The following SQSTM1 variants were observed in gnomAD, a reference collection of about 807,000 sequenced individuals.
SQSTM1 encodes the protein sequestosome 1, also known as sequestosome-1.
SQSTM1 carries 36 observed loss-of-function variants against 45.1 expected under a neutral mutation model. That is an observed-to-expected ratio of 0.80 (90% CI 0.61 to 1.05). The LOEUF (loss-of-function observed/expected upper bound fraction) is 1.05, where lower values mean the gene tolerates loss of function less well. Among genes scored for constraint, SQSTM1 ranks in the 50% least tolerant of loss-of-function variants. SQSTM1 has a pLI of 0.00. For synonymous variants in SQSTM1, 290 were observed against 244.3 expected (o/e 1.19, Z -1.74); for missense variants, 617 against 607.1 (o/e 1.02, Z -0.17).
At chr5:179,815,616 T>C (rs1333184091), upstream of SQSTM1, among the ~76,000 whole-genome samples, 1 of 152,164 alleles carries the variant, frequency 6.6e-6, no homozygotes, top group Admixed American at 6.5e-5. Context: ...CCAAGGCTCC[T>C]GCTTCCAGAT....
rs755533137 is a variant in SQSTM1, at chr5:179,837,474, G to A, written c.*881G>A. ...CGAGGATTCTGTGCCTCCAGGACCA[G>A]GGGCCCACCCTCTGCCCAGGGAGTC... On this transcript the variant is annotated 3_prime_UTR_variant, in exon 8 of 8. Transcript: ENST00000389805. 6.2e-6 allele frequency: 10 copies of A among 1,613,574 alleles called. No homozygotes were observed. Among genetic ancestry groups the A allele is most frequent in the Non-Finnish European group, 7.6e-6 (9 of 1,179,726 alleles).
At position 179,833,959 on chromosome 5, in the gene SQSTM1, G is replaced by A. The variant is rs72813729; in HGVS notation, c.1165+177G>A. On this transcript the variant is annotated intron_variant, in intron 7 of 7. Coordinates refer to ENST00000389805, the MANE Select transcript of SQSTM1 (RefSeq NM_003900.5). ...TATTATGTGTACCCTGAGCAATAGC[G>A]AGTAAGCTCTGCTAATGCAGTTCTG... Among the ~76,000 whole-genome samples the A allele has an allele frequency of 0.031, 4,778 of 152,206 alleles. 118 individuals are homozygous for A. Among genetic ancestry groups the A allele is most frequent in the African/African-American group, 0.06 (2,496 of 41,494 alleles).
rs1758618744 is a variant in SQSTM1 at position 179,837,269 on chromosome 5, AGAGAAATGATT to A, written c.*679_*689del. 5 of 1,605,936 alleles carry A rather than the reference AGAGAAATGATT, an allele frequency of 3.1e-6. No individual in the cohort carries two copies. Among genetic ancestry groups the A allele is most frequent in the Non-Finnish European group, 4.2e-6 (5 of 1,179,020 alleles). On this transcript the variant is annotated 3_prime_UTR_variant, in exon 8 of 8. Transcript: ENST00000389805. The stretch of plus-strand genomic sequence containing the variant: ...ACTTTAACCAATGACGTTTGCATAG[AGAGAAATGATT>A]GACAGTAAGTTTATTGTTAATGGTT...
rs1758578746 is a variant in SQSTM1 at position 179,836,707 on chromosome 5, G to C, written c.*114G>C. ...GTTTCTCTGCCTTCTTCCAGGATCA[G>C]GGGTTAGGGTGCAAGAAGCCATTTA... On this transcript the variant is annotated 3_prime_UTR_variant, in exon 8 of 8. Transcript: ENST00000389805. 2 of 1,539,428 alleles carry C rather than the reference G, an allele frequency of 1.3e-6. No homozygotes were observed. The highest frequency in any genetic ancestry group is 1.8e-6 in the Non-Finnish European group (2 of 1,114,992).
intron 1 of SQSTM1, chr5:179,807,852 C>T (rs1026149600): frequency 6.6e-6 from 1 of 152,270 alleles, no homozygotes; most frequent in African/African-American, 2.4e-5. Flanking sequence ...GAGGTTTCAC[C>T]GTATTGGCCA....
intron 2 of SQSTM1, chr5:179,823,561 G>A (rs1757871530): frequency 6.1e-6 from 3 of 490,426 alleles, no homozygotes; most frequent in African/African-American, 3.9e-5. Context: ...CGTGGTGCTT[G>A]GGTTAGGGAT....
rs543880101 is a variant in SQSTM1, at chr5:179,825,970, G to A, written c.754+744G>A. ...GTGGATCTGTGATGGCAGATGGATC[G>A]CTGGGACACCTGCATCTCTCGCTAG... is the stretch of plus-strand genomic sequence containing the variant. On this transcript the variant is annotated intron_variant, in intron 5 of 7. Transcript: ENST00000389805. Among the ~76,000 whole-genome samples the A allele has an allele frequency of 5.9e-5, 9 of 152,296 alleles. No individual in the cohort carries two copies. In the South Asian group the frequency reaches 6.2e-4, roughly 11 times the overall value.
chr5:179,832,675 A>G (rs1022292459), intron 5 of SQSTM1, among the ~76,000 whole-genome samples: 4 of 152,180 alleles, frequency 2.6e-5, no homozygotes, highest in Non-Finnish European at 5.9e-5. Context: ...CTGACTTTAG[A>G]TGCTAGCTGA....
At chr5:179,828,771 C>T (rs1290256419) in intron 5 of SQSTM1, among the ~76,000 whole-genome samples, 2 of 152,104 alleles carry the variant, frequency 1.3e-5, no homozygotes, top group South Asian at 2.1e-4. Context: ...CTGCTTTTAC[C>T]TCTGCTCCCC....
chr5:179,824,455 C>G (rs72807347), intron 4 of SQSTM1, 132 bp downstream of exon 4: 18,277 of 1,331,960 alleles, frequency 0.014, 173 homozygotes, highest in African/African-American at 0.03. Flanking sequence ...GCCCTACAAT[C>G]ACACAAGAAC....
chr5:179,822,882 G>T, intron 1 of SQSTM1, 76 bp from the exon 2 acceptor site: 1 of 1,257,944 alleles, frequency 7.9e-7, no homozygotes, highest in South Asian at 1.2e-5. Context: ...TTTCATACTT[G>T]CCTCAGCCCA....
chr5:179,824,413 CAAG>C (rs1259362809), intron 4 of SQSTM1, 90 bp downstream of exon 4: 1 of 1,586,098 alleles, frequency 6.3e-7, no homozygotes, highest in Non-Finnish European at 8.6e-7. Flanking sequence ...GTGTGCAAGG[CAAG>C]AATTCAGGAT....
chr5:179,835,757 T>TA (rs1205738662), intron 7 of SQSTM1: 2 of 162,016 alleles, frequency 1.2e-5, no homozygotes, highest in African/African-American at 4.8e-5. Context: ...AGTGAGAACA[T>TA]ATGATATTTG....
At chr5:179,818,268 G>A (rs968618428), upstream of SQSTM1, among the ~76,000 whole-genome samples, 2 of 152,184 alleles carry the variant, frequency 1.3e-5, no homozygotes, top group Admixed American at 6.5e-5. Flanking sequence ...TGGCTGCAGC[G>A]CAGAAGGCCT....
Position 179,806,550 on chromosome 5 carries a change from G to T in SQSTM1, c.-198G>T. ...AGGAAGGCGCACAGGCAGAAGAGCA[G>T]CAGCGTCAGGAAGGTGCCATTGCGG... On this transcript the variant is annotated 5_prime_UTR_variant, in exon 1 of 6. Coordinates refer to the SQSTM1 transcript ENST00000514093. The surrounding 1 kb of genome is among the most constrained non-coding windows in gnomAD (Gnocchi z 4.6). 1 of 1,325,922 alleles carries T rather than the reference G, an allele frequency of 7.5e-7. No individual in the cohort carries two copies. Among genetic ancestry groups the T allele is most frequent in the Non-Finnish European group, 9.9e-7 (1 of 1,011,878 alleles). 82.1% of individuals were successfully genotyped at this position (1,325,922 alleles called of 1,614,324 possible). A position where few individuals can be genotyped will look rare whatever the true frequency, so the allele number is the denominator to read the frequency against.
chr5:179,806,422 C>T lies in SQSTM1; in HGVS notation c.-326C>T, dbSNP rs1757160035. On this transcript the variant is annotated 5_prime_UTR_variant, in exon 1 of 6. Transcript: ENST00000514093. The surrounding 1 kb of genome is among the most constrained non-coding windows in gnomAD (Gnocchi z 4.6). ...TCCGGCCGCCTTCCGCGGCCACCGC[C>T]GGGCCCGCTCCCGCCGCCGACGCCC... 4.8e-6 allele frequency: 5 copies of T among 1,044,544 alleles called. No homozygotes were observed. The highest frequency in any genetic ancestry group is 3.8e-5 in the South Asian group (1 of 26,346). The allele number at this position is 1,044,544 out of a possible 1,614,324, so 64.7% of individuals were successfully genotyped here.
At chr5:179,835,231 A>C in intron 7 of SQSTM1, 1 of 183,388 alleles carries the variant, frequency 5.5e-6, no homozygotes, top group South Asian at 7.3e-5. Flanking sequence ...GGCTCCTCAC[A>C]TTCCAGACGA....
Position 179,836,724 on chromosome 5 carries a change from A to T in SQSTM1, c.*131A>T. ...CAGGATCAGGGGTTAGGGTGCAAGA[A>T]GCCATTTAGGGCAGCAAAACAAGTG... On this transcript the variant is annotated 3_prime_UTR_variant, in exon 8 of 8. Coordinates refer to ENST00000389805, the MANE Select transcript of SQSTM1 (RefSeq NM_003900.5). 7.1e-7 allele frequency: 1 copy of T among 1,416,554 alleles called. No homozygotes were observed. Among genetic ancestry groups the T allele is most frequent in the Non-Finnish European group, 9.9e-7 (1 of 1,006,630 alleles). The allele number at this position is 1,416,554 out of a possible 1,614,324, so 87.7% of individuals were successfully genotyped here. A position where few individuals can be genotyped will look rare whatever the true frequency, so the allele number is the denominator to read the frequency against.
upstream of SQSTM1, among the ~76,000 whole-genome samples, chr5:179,814,606 G>A (rs190502291): frequency 5.9e-5 from 9 of 152,308 alleles, no homozygotes; most frequent in Admixed American, 1.3e-4. Context: ...GAAATCAAAG[G>A]CTTTCTTGGC....
Sources: gnomAD v4.1 joint callset for allele counts (sites outside exome capture counted in the v4.1 genomes callset) on GRCh38, gnomAD v4.1.1 for gene constraint, Gnocchi (gnomAD v3.1) non-coding constraint, MANE v1.5 for transcripts, NCBI Gene and HGNC (gene_info 2026-07-23, HGNC 2026-07-21) for gene names.